TOP1: variants seen among roughly 807,000 people sequenced by gnomAD.
TOP1 encodes the protein DNA topoisomerase 1.
A neutral mutation model predicts 111.1 loss-of-function variants in TOP1; 10 were observed. The observed-to-expected ratio is 0.09, with a 90% CI of 0.06 to 0.15. The LOEUF is 0.15. Among genes scored for constraint, TOP1 ranks in the 10% least tolerant of loss-of-function variants. TOP1 has a pLI of 1.00. For missense variants in TOP1, 474 were observed against 926.7 expected (o/e 0.51, Z 6.34); for synonymous variants, 271 against 302.9 (o/e 0.89, Z 1.10).
At chr20:41,093,798 A>G (rs570508446) in intron 9 of TOP1, among the ~76,000 whole-genome samples, 33 of 152,214 alleles carry the variant, frequency 2.2e-4, no homozygotes, top group Non-Finnish European at 3.5e-4. Flanking sequence ...AGGTCCACCA[A>G]TGCTTGTAGG....
rs758685434 is a variant in TOP1, at chr20:41,029,566, C to T, written c.58+111C>T. 2.3e-6 allele frequency: 2 copies of T among 855,816 alleles called. No individual in the cohort carries two copies. Among genetic ancestry groups the T allele is most frequent in the South Asian group, 1.4e-5 (1 of 69,248 alleles). The allele number at this position is 855,816 out of a possible 1,614,324, so 53.0% of individuals were successfully genotyped here. On this transcript the variant is annotated intron_variant, in intron 2 of 20. Transcript: ENST00000361337. The surrounding 1 kb of genome is among the most constrained non-coding windows in gnomAD (Gnocchi z 6.1). ...ACATGGCGTCCCAGAGACTAAGTCC[C>T]GGCTCCTCGCTCACCGGCCCCATTG...
At chr20:41,042,284 C>G (rs2033276880) in intron 2 of TOP1, among the ~76,000 whole-genome samples, 2 of 152,228 alleles carry the variant, frequency 1.3e-5, no homozygotes, top group African/African-American at 4.8e-5. Context: ...ATACTTCACT[C>G]TAAGTTATAG....
Position 41,112,676 on chromosome 20 carries a change from A to C in TOP1, c.1309-106A>C. The stretch of plus-strand genomic sequence containing the variant: ...ATTCTTGTGTCTTAGCCTCCCTATT[A>C]GCTAGCTGGGATTATAGGCTTGCGC... On this transcript the variant is annotated intron_variant, in intron 13 of 20. Transcript: ENST00000361337. The surrounding 1 kb of genome is among the most constrained non-coding windows in gnomAD (Gnocchi z 5.8). The C allele has an allele frequency of 2.4e-6, 3 of 1,236,816 alleles. No homozygotes were observed. Among genetic ancestry groups the C allele is most frequent in the Non-Finnish European group, 3.4e-6 (3 of 879,040 alleles). 76.6% of individuals were successfully genotyped at this position (1,236,816 alleles called of 1,614,324 possible).
intron 13 of TOP1, among the ~76,000 whole-genome samples, chr20:41,111,197 G>A (rs768713316): frequency 7.2e-5 from 11 of 152,210 alleles, no homozygotes; most frequent in African/African-American, 2.4e-4. Context: ...GTACTCTACT[G>A]TTGAAGGTGA....
Position 41,095,765 on chromosome 20 carries a change from T to A in TOP1, c.731-1455T>A, listed in dbSNP as rs1240490755. On this transcript the variant is annotated intron_variant, in intron 9 of 20. Coordinates refer to ENST00000361337, the MANE Select transcript of TOP1 (RefSeq NM_003286.4). The surrounding 1 kb of genome is among the most constrained non-coding windows in gnomAD (Gnocchi z 4.6). ...GAATGTGGGCAGCCTTGGTGAATTATTAATACCTGTGTAATAGTAAGGTGG... is the reference window on the plus strand; with the variant it reads ...GAATGTGGGCAGCCTTGGTGAATTAATAATACCTGTGTAATAGTAAGGTGG... 6.6e-6 allele frequency among the ~76,000 whole-genome samples: 1 copy of A among 152,246 alleles called. No homozygotes were observed. The highest frequency in any genetic ancestry group is 2.4e-5 in the African/African-American group (1 of 41,464).
intron 3 of TOP1, among the ~76,000 whole-genome samples, chr20:41,068,691 G>A (rs973471461): frequency 6.6e-6 from 1 of 152,068 alleles, no homozygotes; most frequent in Non-Finnish European, 1.5e-5. Flanking sequence ...CACCATGGCC[G>A]GCCCTCTTTT....
At chr20:41,035,931 C>A (rs1490882033) in intron 2 of TOP1, among the ~76,000 whole-genome samples, 1 of 152,202 alleles carries the variant, frequency 6.6e-6, no homozygotes, top group Non-Finnish European at 1.5e-5. Flanking sequence ...AACCTGACTC[C>A]AGTAAGGTAG....
At position 41,069,919 on chromosome 20, in the gene TOP1, G is replaced by T. The variant is rs1182073946; in HGVS notation, c.156-6252G>T. Among the ~76,000 whole-genome samples, 1 of 152,278 alleles carries T rather than the reference G, an allele frequency of 6.6e-6. No individual in the cohort carries two copies. The highest frequency in any genetic ancestry group is 1.9e-4 in the East Asian group (1 of 5,184). The stretch of plus-strand genomic sequence containing the variant: ...AGAAAAACATAAGCAAAACATAGAG[G>T]CATTGTAGTATATGCTTTGTTCTGG... On this transcript the variant is annotated intron_variant, in intron 3 of 20. Transcript: ENST00000361337. The surrounding 1 kb of genome is among the most constrained non-coding windows in gnomAD (Gnocchi z 4.1).
intron 2 of TOP1, among the ~76,000 whole-genome samples, chr20:41,045,333 G>A (rs1182302241): frequency 6.6e-6 from 1 of 152,068 alleles, no homozygotes; most frequent in African/African-American, 2.4e-5. Flanking sequence ...TTATGAGTTT[G>A]AATAACAGCC....
chr20:41,085,083 A>T (rs886742146), intron 8 of TOP1, among the ~76,000 whole-genome samples: 23 of 28,710 alleles, frequency 8.0e-4, no homozygotes, highest in Non-Finnish European at 1.1e-3. Flanking sequence ...ATGCCATTTA[A>T]AAAAAAAAAA....
At chr20:41,038,539 G>C (rs902781429) in intron 2 of TOP1, among the ~76,000 whole-genome samples, 1 of 152,166 alleles carries the variant, frequency 6.6e-6, no homozygotes, top group Non-Finnish European at 1.5e-5. Context: ...TCACTAGGGA[G>C]CATTGAGTAT....
At chr20:41,111,328 A>G (rs1179679703) in intron 13 of TOP1, among the ~76,000 whole-genome samples, 3 of 152,160 alleles carry the variant, frequency 2.0e-5, no homozygotes, top group Non-Finnish European at 4.4e-5. Context: ...TTAAATGTCA[A>G]AATGTACTAA....
rs1243432985 is a variant in TOP1 at position 41,095,196 on chromosome 20, G to C, written c.731-2024G>C. ...CCTCCCAAGTAGCTGAAATTAACAG[G>C]CACGTGCCACCACACCTAAGTTTTG... On this transcript the variant is annotated intron_variant, in intron 9 of 20. Transcript: ENST00000361337. The surrounding 1 kb of genome is among the most constrained non-coding windows in gnomAD (Gnocchi z 4.6). Among the ~76,000 whole-genome samples the C allele has an allele frequency of 3.9e-5, 6 of 151,986 alleles. No individual in the cohort carries two copies.
At position 41,102,345 on chromosome 20, in the gene TOP1, C is replaced by T. The variant is rs1475256032; in HGVS notation, c.1308+992C>T. ...ACTTTTCTGGCTGGGTGTGGTGGCT[C>T]AAGCCTGTAATCCCAGCACTTTGGG... On this transcript the variant is annotated intron_variant, in intron 13 of 20. Coordinates refer to ENST00000361337, the MANE Select transcript of TOP1 (RefSeq NM_003286.4). This position sits in a 1 kb window ranked among gnomAD's most constrained non-coding sequence, Gnocchi z 4.0. Among the ~76,000 whole-genome samples the T allele has an allele frequency of 6.6e-6, 1 of 152,172 alleles. No homozygotes were observed. The highest frequency in any genetic ancestry group is 2.4e-5 in the African/African-American group (1 of 41,428).
At position 41,034,772 on chromosome 20, in the gene TOP1, T is replaced by C. The variant is rs1441282953; in HGVS notation, c.58+5317T>C. ...GTAATATCAACTTTGGCTATCTGTA[T>C]CGAAGTTTGTATTAACTGTCTTTAT... is the stretch of plus-strand genomic sequence containing the variant. On this transcript the variant is annotated intron_variant, in intron 2 of 20. Coordinates refer to ENST00000361337, the MANE Select transcript of TOP1 (RefSeq NM_003286.4). The surrounding 1 kb of genome is among the most constrained non-coding windows in gnomAD (Gnocchi z 4.0). Among the ~76,000 whole-genome samples the C allele has an allele frequency of 2.0e-5, 3 of 152,240 alleles. No individual in the cohort carries two copies. Among genetic ancestry groups the C allele is most frequent in the Non-Finnish European group, 2.9e-5 (2 of 68,052 alleles).
chr20:41,089,589 G>C (rs545388097), intron 8 of TOP1, among the ~76,000 whole-genome samples: 1 of 152,330 alleles, frequency 6.6e-6, no homozygotes, highest in South Asian at 2.1e-4. Flanking sequence ...GCCTTTGGCT[G>C]TTGCAGATAG....
At chr20:41,051,412 C>G (rs2033404227) in intron 2 of TOP1, among the ~76,000 whole-genome samples, 1 of 152,178 alleles carries the variant, frequency 6.6e-6, no homozygotes, top group Non-Finnish European at 1.5e-5. Context: ...ACCCTAAAAG[C>G]TTTAAGATCA....
intron 4 of TOP1, 112 bp from the exon 5 acceptor site, chr20:41,077,470 G>T (rs1441780356): frequency 5.9e-6 from 5 of 846,684 alleles, no homozygotes; most frequent in Non-Finnish European, 9.8e-6. Flanking sequence ...GGTAACATAA[G>T]AGCCAGCTTG....
intron 11 of TOP1, among the ~76,000 whole-genome samples, chr20:41,099,410 G>A (rs2034027504): frequency 6.6e-6 from 1 of 152,158 alleles, no homozygotes. Context: ...CAGAGCCTCT[G>A]CCAAGGACAC....
Sources: gnomAD v4.1 joint callset for allele counts (sites outside exome capture counted in the v4.1 genomes callset) on GRCh38, gnomAD v4.1.1 for gene constraint, Gnocchi (gnomAD v3.1) non-coding constraint, MANE v1.5 for transcripts, NCBI Gene and HGNC (gene_info 2026-07-23, HGNC 2026-07-21) for gene names.